EXOSC3: variants seen among roughly 807,000 people sequenced by gnomAD.
The protein encoded by EXOSC3 is exosome component 3, also known as exosome complex component RRP40.
In EXOSC3, 18 loss-of-function variants were observed where a neutral mutation model predicts 25.1. That is an observed-to-expected ratio of 0.72 (90% confidence interval 0.50 to 1.06). The LOEUF (loss-of-function observed/expected upper bound fraction) is 1.06. Ranked by LOEUF, EXOSC3 falls within the 50% of genes least tolerant of loss-of-function variation. The pLI is 0.00. For missense variants in EXOSC3, 382 were observed against 350.9 expected, an observed-to-expected ratio of 1.09 and a Z score of -0.71; for synonymous variants, 165 against 132.2, an observed-to-expected ratio of 1.25 and a Z score of -1.70.
chr9:37,784,976 T>C lies in EXOSC3; in HGVS notation c.69A>G (p.Val23=). ...CACCCGGGAGCACCACCTGACCTAG[T>C]ACTGTGCGTGCAGCGCGCGCCCTGC... ...AGSRARAART[V]LGQVVLPGEE... Residue 23 remains valine, a synonymous_variant, in exon 1 of 4, where the codon GTA becomes GTG. Transcript: ENST00000327304. The C allele has an allele frequency of 6.2e-7, 1 of 1,612,686 alleles. No homozygotes were observed. Among genetic ancestry groups the C allele is most frequent in the South Asian group, 1.1e-5 (1 of 91,038 alleles).
intron 1 of EXOSC3, 93 bp downstream of exon 1, chr9:37,784,628 G>C: frequency 1.5e-6 from 2 of 1,358,388 alleles, no homozygotes; most frequent in Non-Finnish European, 9.8e-7. Context: ...GAACAAAAGA[G>C]GGCCTCAGGG....
chr9:37,780,938 T>C, intron 3 of EXOSC3, 58 bp from the exon 4 acceptor site: 1 of 1,445,890 alleles, frequency 6.9e-7, no homozygotes, highest in Admixed American at 2.0e-5. Context: ...GTGTCCGGAG[T>C]CTCCTTTAGA....
chr9:37,779,862 C>T lies in EXOSC3; in HGVS notation c.*817G>A, dbSNP rs1408383505. 1 of 152,120 alleles carries T rather than the reference C, an allele frequency of 6.6e-6. No homozygotes were observed. The highest frequency in any genetic ancestry group is 1.5e-5 in the Non-Finnish European group (1 of 68,024). 9.4% of individuals were successfully genotyped at this position (152,120 alleles called of 1,614,324 possible). A position where few individuals can be genotyped will look rare whatever the true frequency, so the allele number is the denominator to read the frequency against. ...TGTGGATCACCTGGCAGTCTCTTTA[C>T]CTCTAAAGGTTTTGGTTAATATACT... On this transcript the variant is annotated 3_prime_UTR_variant, in exon 4 of 4. Transcript: ENST00000327304.
rs1828559704 is a variant in EXOSC3 at position 37,780,488 on chromosome 9, A to G, written c.*191T>C. On this transcript the variant is annotated 3_prime_UTR_variant, in exon 4 of 4. Transcript: ENST00000327304. The stretch of plus-strand genomic sequence containing the variant: ...TAGTAAACTTTATTGTACCGAACAA[A>G]AAAAATGATTTTGCAATGATTTTCT... The G allele has an allele frequency of 1.7e-6, 1 of 582,134 alleles. No individual in the cohort carries two copies. Among genetic ancestry groups the G allele is most frequent in the Admixed American group, 3.2e-5 (1 of 31,030 alleles). 36.1% of individuals were successfully genotyped at this position (582,134 alleles called of 1,614,324 possible).
intron 2 of EXOSC3, among the ~76,000 whole-genome samples, chr9:37,783,134 C>A (rs1297591144): frequency 6.6e-6 from 1 of 152,146 alleles, no homozygotes; most frequent in Non-Finnish European, 1.5e-5. Flanking sequence ...GGAAAGACAC[C>A]TGGAGTGTAA....
At chr9:37,780,925 G>C (rs757481488) in intron 3 of EXOSC3, 45 bp from the exon 4 acceptor site, 1 of 1,527,368 alleles carries the variant, frequency 6.5e-7, no homozygotes, top group Admixed American at 1.8e-5. Context: ...AAGTGGCAAA[G>C]GTGTGTCCGG....
At position 37,780,832 on chromosome 9, in the gene EXOSC3, A is replaced by G. The variant is rs759834028; in HGVS notation, c.675T>C (p.Tyr225=). The G allele has an allele frequency of 1.2e-6, 2 of 1,613,728 alleles. No homozygotes were observed. The highest frequency in any genetic ancestry group is 3.3e-5 in the Admixed American group (2 of 60,010). ...TCATTCCAAATACTATCTCCAGTGG[A>G]TAGAGTTTTCCCACTTCCTGTATGA... ...CEIIQEVGKL[Y]PLEIVFGMNG... Residue 225 remains tyrosine (Y), a synonymous_variant, in exon 4 of 4, where the codon TAT becomes TAC. Transcript: ENST00000327304.
chr9:37,782,219 G>A, intron 2 of EXOSC3, 82 bp from the exon 3 acceptor site: 2 of 1,445,352 alleles, frequency 1.4e-6, no homozygotes, highest in South Asian at 2.5e-5. Context: ...AGGCATCAAT[G>A]CCAGCCACCT....
In EXOSC3 at chr9:37,780,591, T is replaced by TATC; in HGVS notation, c.*85_*87dup. 9.6e-7 allele frequency: 1 copy of TATC among 1,037,114 alleles called. No individual in the cohort carries two copies. The highest frequency in any genetic ancestry group is 1.5e-6 in the Non-Finnish European group (1 of 679,544). 64.2% of individuals were successfully genotyped at this position (1,037,114 alleles called of 1,614,324 possible). On this transcript the variant is annotated 3_prime_UTR_variant, in exon 4 of 4. Transcript: ENST00000327304. ...TCTAATAATACATACATTCACACCT[T>TATC]ATCTTCTGAGTATTTAAATGGGGGA...
chr9:37,781,929 C>T, intron 3 of EXOSC3, 57 bp downstream of exon 3: 3 of 1,547,444 alleles, frequency 1.9e-6, no homozygotes, highest in Non-Finnish European at 1.7e-6. Context: ...GATTAACCAA[C>T]TTTCCAAGAA....
chr9:37,781,926 C>CA, intron 3 of EXOSC3, 60 bp downstream of exon 3: 1 of 1,534,314 alleles, frequency 6.5e-7, no homozygotes, highest in African/African-American at 1.4e-5. Flanking sequence ...GAAGATTAAC[C>CA]AACTTTCCAA....
At chr9:37,780,981 C>G in intron 3 of EXOSC3, 101 bp from the exon 4 acceptor site, 1 of 998,224 alleles carries the variant, frequency 1.0e-6, no homozygotes. Flanking sequence ...TTCTCCATAG[C>G]TGTTCAACAA....
At position 37,784,156 on chromosome 9, in the gene EXOSC3, C is replaced by T; in HGVS notation, c.325-93G>A. On this transcript the variant is annotated intron_variant, in intron 1 of 3. Transcript: ENST00000327304. ...AAGTCCTTTGTGGTTACTTTATTGT[C>T]ATTAAAGAGAAATCTGATCAAATGC... 3 of 1,352,742 alleles carry T rather than the reference C, an allele frequency of 2.2e-6. No individual in the cohort carries two copies. The South Asian group carries it at 4.3e-5, about 20-fold the overall frequency. The allele number at this position is 1,352,742 out of a possible 1,614,324, so 83.8% of individuals were successfully genotyped here. A position where few individuals can be genotyped will look rare whatever the true frequency, so the allele number is the denominator to read the frequency against.
rs776409249 is a variant in EXOSC3, at chr9:37,784,999, T to C, written c.46A>G (p.Arg16Gly). 20 of 1,607,134 alleles carry C rather than the reference T, an allele frequency of 1.2e-5. No individual in the cohort carries two copies. The South Asian group carries it at 2.0e-4, about 16-fold the overall frequency. The change falls in exon 1 of 4, where the codon AGG becomes GGG. Residue 16 changes from arginine (R) to glycine (G), a missense_variant. Physicochemically the swap from Arg to Gly is moderately radical, Grantham distance 125. Coordinates refer to ENST00000327304, the MANE Select transcript of EXOSC3 (RefSeq NM_016042.4). ...SVAAESLAGS[R>G]ARAARTVLGQ... The stretch of plus-strand genomic sequence containing the variant: ...AGTACTGTGCGTGCAGCGCGCGCCC[T>C]GCTGCCCGCGAGAGATTCAGCCGCG...
intron 2 of EXOSC3, 122 bp downstream of exon 2, chr9:37,783,792 A>G (rs1828643043): frequency 5.0e-6 from 5 of 1,003,246 alleles, no homozygotes; most frequent in Non-Finnish European, 6.9e-6. Context: ...GCCTGGGGCA[A>G]TTATATACAA....
chr9:37,784,108 T>A (rs1828652762), intron 1 of EXOSC3, 45 bp from the exon 2 acceptor site: 1 of 1,584,540 alleles, frequency 6.3e-7, no homozygotes, highest in Non-Finnish European at 8.6e-7. Flanking sequence ...AATGACAAGA[T>A]ACCATTGGAA....
chr9:37,782,182 C>T (rs1279837979), intron 2 of EXOSC3, 45 bp from the exon 3 acceptor site: 7 of 1,603,990 alleles, frequency 4.4e-6, no homozygotes, highest in Non-Finnish European at 6.0e-6. Flanking sequence ...CAGCAAACTA[C>T]AGGTGCTACT....
rs2118981182 is a variant in EXOSC3 at position 37,784,623 on chromosome 9, A to G, written c.324+98T>C. The G allele has an allele frequency of 9.6e-6, 13 of 1,348,782 alleles. No homozygotes were observed. In the South Asian group the frequency reaches 1.8e-4, roughly 19 times the overall value. The allele number at this position is 1,348,782 out of a possible 1,614,324, so 83.6% of individuals were successfully genotyped here. ...CGGTGGCTCTAGGTTTGCCTGAACA[A>G]AAGAGGGCCTCAGGGTCCCTCTCTT... is the stretch of plus-strand genomic sequence containing the variant. On this transcript the variant is annotated intron_variant, in intron 1 of 3. Coordinates refer to ENST00000327304, the MANE Select transcript of EXOSC3 (RefSeq NM_016042.4).
rs767522178 is a variant in EXOSC3, at chr9:37,780,891, G to A, written c.627-11C>T. Reference sequence around the variant, plus strand: ...TCTGGAGCTAATAGCCTGGTGGGAAGAGAAAAGAAAATGAAATTTAATGAA... The same window carrying A: ...TCTGGAGCTAATAGCCTGGTGGGAAAAGAAAAGAAAATGAAATTTAATGAA... On this transcript the variant is annotated splice_polypyrimidine_tract_variant and intron_variant, in intron 3 of 3. Coordinates refer to ENST00000327304, the MANE Select transcript of EXOSC3 (RefSeq NM_016042.4). The A allele has an allele frequency of 1.2e-6, 2 of 1,608,514 alleles. No homozygotes were observed. Among genetic ancestry groups the A allele is most frequent in the East Asian group, 2.2e-5 (1 of 44,844 alleles).
Sources: allele counts gnomAD v4.1 joint callset (sites outside exome capture counted in the v4.1 genomes callset), GRCh38; gene constraint gnomAD v4.1.1; transcripts MANE v1.5; gene names NCBI Gene and HGNC (gene_info 2026-07-23, HGNC 2026-07-21).